The following PDE1A variants were observed in gnomAD, a reference collection of about 807,000 sequenced individuals.
PDE1A encodes phosphodiesterase 1A, also known as dual specificity calcium/calmodulin-dependent 3',5'-cyclic nucleotide phosphodiesterase 1A.
A neutral mutation model predicts 61.7 loss-of-function variants in PDE1A; 35 were observed. That is an observed-to-expected ratio of 0.57 (90% confidence interval 0.43 to 0.75). The LOEUF (loss-of-function observed/expected upper bound fraction) is 0.75, where lower values mean the gene tolerates loss of function less well. Among genes scored for constraint, PDE1A ranks in the 30% least tolerant of loss-of-function variants. The pLI, the probability that PDE1A is intolerant of heterozygous loss-of-function variation, is 0.00. For missense variants in PDE1A, 597 were observed against 630.6 expected, an observed-to-expected ratio of 0.95 and a Z score of 0.57; for synonymous variants, 232 against 213.2, an observed-to-expected ratio of 1.09 and a Z score of -0.77.
rs570603423 is a variant in PDE1A at position 182,149,807 on chromosome 2, C to T, written c.1517-2655G>A. Reference sequence around the variant, plus strand: ...TGTACCATATAAAGGCTTTGAGAAACACCCATATACCAAGGTTCCAAATGG... The same window carrying T: ...TGTACCATATAAAGGCTTTGAGAAATACCCATATACCAAGGTTCCAAATGG... On this transcript the variant is annotated intron_variant, in intron 13 of 13. Coordinates refer to the PDE1A transcript ENST00000409365. Among the ~76,000 whole-genome samples, 3 of 152,248 alleles carry T rather than the reference C, an allele frequency of 2.0e-5. No individual in the cohort carries two copies. The South Asian group carries it at 6.2e-4, about 32-fold the overall frequency.
At chr2:182,290,940 T>C (rs1694488769) in intron 1 of PDE1A, among the ~76,000 whole-genome samples, 1 of 151,998 alleles carries the variant, frequency 6.6e-6, no homozygotes, top group African/African-American at 2.4e-5. Context: ...GCACCAACAT[T>C]CGCCCAGTCC....
At chr2:182,472,396 A>T (rs1687081895) in intron 2 of PDE1A, among the ~76,000 whole-genome samples, 2 of 152,128 alleles carry the variant, frequency 1.3e-5, no homozygotes, top group East Asian at 3.9e-4. Flanking sequence ...GAATAAAATC[A>T]TGTCTTTTGC....
At chr2:182,473,352 T>C (rs2125815608) in intron 2 of PDE1A, among the ~76,000 whole-genome samples, 1 of 151,810 alleles carries the variant, frequency 6.6e-6, no homozygotes, top group South Asian at 2.1e-4. Flanking sequence ...ACCTACAAAA[T>C]GGGAGAAAAT....
chr2:182,230,672 C>A (rs767520336), intron 5 of PDE1A, among the ~76,000 whole-genome samples: 3 of 152,072 alleles, frequency 2.0e-5, no homozygotes, highest in Non-Finnish European at 4.4e-5. Flanking sequence ...GAAAAGCTGG[C>A]AATAAAGGTT....
intron 13 of PDE1A, among the ~76,000 whole-genome samples, chr2:182,151,359 C>T (rs1487326462): frequency 4.6e-5 from 7 of 152,170 alleles, no homozygotes; most frequent in African/African-American, 7.2e-5. Context: ...CCTGCCTTGG[C>T]CTCCCAAAGT....
intron 1 of PDE1A, among the ~76,000 whole-genome samples, chr2:182,274,832 C>T (rs750702177): frequency 3.9e-5 from 6 of 152,108 alleles, no homozygotes; most frequent in Admixed American, 1.3e-4. Flanking sequence ...TAGCCATAAT[C>T]TCTCAGAATC....
chr2:182,473,022 T>C (rs1263621567), intron 2 of PDE1A, among the ~76,000 whole-genome samples: 2 of 151,712 alleles, frequency 1.3e-5, no homozygotes, highest in African/African-American at 4.8e-5. Context: ...GCAAGTTAGT[T>C]ACATATGTAT....
the PDE1A span, among the ~76,000 whole-genome samples, chr2:182,603,046 G>C: frequency 2.9e-5 from 4 of 139,844 alleles, no homozygotes; most frequent in African/African-American, 1.2e-4. Context: ...TACCAGTTTG[G>C]TGGGGGAAGC....
At chr2:182,615,979 C>A in the PDE1A span, among the ~76,000 whole-genome samples, 6 of 152,314 alleles carry the variant, frequency 3.9e-5, no homozygotes, top group South Asian at 1.2e-3. Context: ...AAGTTTCCAA[C>A]ACATTAACTT....
the PDE1A span, among the ~76,000 whole-genome samples, chr2:182,691,039 C>A: frequency 4.6e-5 from 7 of 152,296 alleles, no homozygotes; most frequent in East Asian, 1.2e-3. Flanking sequence ...AGGACACAAA[C>A]AAATGGAAGA....
At chr2:182,360,656 T>G (rs963193476) in intron 1 of PDE1A, among the ~76,000 whole-genome samples, 1 of 151,786 alleles carries the variant, frequency 6.6e-6, no homozygotes, top group African/African-American at 2.4e-5. Flanking sequence ...CTTTAAAATA[T>G]GACGACAAAG....
At chr2:182,407,663 G>A (rs1395454220) in intron 1 of PDE1A, among the ~76,000 whole-genome samples, 1 of 152,106 alleles carries the variant, frequency 6.6e-6, no homozygotes, top group Non-Finnish European at 1.5e-5. Flanking sequence ...TTACAGATGT[G>A]AGCCACCGTG....
intron 1 of PDE1A, among the ~76,000 whole-genome samples, chr2:182,274,692 C>T (rs559443926): frequency 6.6e-6 from 1 of 152,212 alleles, no homozygotes; most frequent in Admixed American, 6.5e-5. Flanking sequence ...CTCTCTCTCT[C>T]TTTCCCTCTC....
intron 2 of PDE1A, among the ~76,000 whole-genome samples, chr2:182,453,454 C>A (rs1305198457): frequency 6.6e-6 from 1 of 151,538 alleles, no homozygotes; most frequent in Non-Finnish European, 1.5e-5. Flanking sequence ...AATCTGTGTG[C>A]AGGAAATTAC....
At chr2:182,201,324 G>A (rs1686608858) in intron 10 of PDE1A, 115 bp downstream of exon 10, 5 of 1,284,374 alleles carry the variant, frequency 3.9e-6, no homozygotes, top group African/African-American at 1.5e-5. Flanking sequence ...AGAATGTGTA[G>A]GTGGCCAGTT....
At chr2:182,685,799 C>T in the PDE1A span, among the ~76,000 whole-genome samples, 8 of 152,186 alleles carry the variant, frequency 5.3e-5, no homozygotes, top group African/African-American at 1.4e-4. Context: ...CACGCACCTT[C>T]CTCCCCATCT....
the PDE1A span, among the ~76,000 whole-genome samples, chr2:182,560,294 AT>A: frequency 7.2e-6 from 1 of 138,780 alleles, no homozygotes; most frequent in Non-Finnish European, 1.5e-5. Flanking sequence ...ATTCCCACCT[AT>A]GAGTGAGAAT....
the PDE1A span, among the ~76,000 whole-genome samples, chr2:182,713,270 T>C: frequency 6.6e-6 from 1 of 152,214 alleles, no homozygotes; most frequent in Non-Finnish European, 1.5e-5. Context: ...ATAATTGATG[T>C]GTCCTCTATT....
chr2:182,469,567 C>T (rs1352152498), intron 2 of PDE1A, among the ~76,000 whole-genome samples: 2 of 151,934 alleles, frequency 1.3e-5, no homozygotes, highest in Admixed American at 6.6e-5. Flanking sequence ...GTCTGTTTGG[C>T]TTCCTTATAA....
Sources: allele counts gnomAD v4.1 joint callset (sites outside exome capture counted in the v4.1 genomes callset), GRCh38; gene constraint gnomAD v4.1.1; transcripts MANE v1.5; gene names NCBI Gene and HGNC (gene_info 2026-07-23, HGNC 2026-07-21).